The following DEAF1 variants were observed in gnomAD, a reference collection of about 807,000 sequenced individuals.
The protein encoded by DEAF1 is deformed epidermal autoregulatory factor 1 homolog.
Under a neutral mutation model 58.9 loss-of-function variants are expected in DEAF1, and 53 were observed. The observed-to-expected ratio is 0.90, with a 90% CI of 0.72 to 1.13. The LOEUF is 1.13. Ranked by LOEUF, DEAF1 falls within the 50% of genes most tolerant of loss-of-function variation. The pLI is 0.00. For synonymous variants in DEAF1, 385 were observed against 340.4 expected (o/e 1.13, Z -1.44); for missense variants, 685 against 791.4 (o/e 0.87, Z 1.61).
intron 10 of DEAF1, among the ~76,000 whole-genome samples, chr11:657,545 A>G (rs2133304970): frequency 6.6e-6 from 1 of 152,288 alleles, no homozygotes; most frequent in South Asian, 2.1e-4. Flanking sequence ...CGTCTAGGAG[A>G]AGCCCCCCCA....
chr11:675,269 T>C (rs1860003023), intron 9 of DEAF1, among the ~76,000 whole-genome samples: 1 of 151,792 alleles, frequency 6.6e-6, no homozygotes, highest in South Asian at 2.1e-4. Flanking sequence ...CTGTAATCCC[T>C]GCACTTTGGG....
At chr11:687,584 G>C (rs1339747677) in intron 4 of DEAF1, among the ~76,000 whole-genome samples, 2 of 152,188 alleles carry the variant, frequency 1.3e-5, no homozygotes, top group African/African-American at 4.8e-5. Context: ...CTGCCTCCTG[G>C]GTTCACGCCA....
At chr11:654,180 T>C in intron 10 of DEAF1, 129 bp from the exon 11 acceptor site, 1 of 728,912 alleles carries the variant, frequency 1.4e-6, no homozygotes, top group South Asian at 1.6e-5. Flanking sequence ...TTTTTTTTTT[T>C]TTTTTTGAGA....
intron 10 of DEAF1, among the ~76,000 whole-genome samples, chr11:669,201 C>T (rs1295689422): frequency 6.7e-6 from 1 of 149,142 alleles, no homozygotes; most frequent in East Asian, 2.0e-4. Flanking sequence ...GCCTCAAGAC[C>T]TTGGCCTCCC....
upstream of DEAF1, chr11:695,448 C>T: frequency 3.9e-6 from 2 of 508,954 alleles, no homozygotes; most frequent in Non-Finnish European, 6.1e-6. Flanking sequence ...CGTCCCCGGC[C>T]GACAGGGCTG....
chr11:650,660 A>T (rs1436606228), intron 11 of DEAF1, among the ~76,000 whole-genome samples: 1 of 150,662 alleles, frequency 6.6e-6, no homozygotes, highest in African/African-American at 2.4e-5. Flanking sequence ...GGTTTTTTTT[A>T]AAAAGATGCA....
chr11:678,847 A>G, intron 8 of DEAF1, 25 bp from the exon 9 acceptor site: 1 of 1,612,806 alleles, frequency 6.2e-7, no homozygotes, highest in Non-Finnish European at 8.5e-7. Context: ...AAGGACAGGG[A>G]GGCTCGGGAT....
Position 695,126 on chromosome 11 carries a change from G to T in DEAF1, c.-79C>A. ...GGTCGCGGAGCCCGAAGCGGGGCCC[G>T]AAGAGGACGCCCGAGCTGGGCCGAG... On this transcript the variant is annotated 5_prime_UTR_variant, in exon 1 of 12. Transcript: ENST00000382409. 1 of 1,302,778 alleles carries T rather than the reference G, an allele frequency of 7.7e-7. No individual in the cohort carries two copies. Among genetic ancestry groups the T allele is most frequent in the Non-Finnish European group, 9.9e-7 (1 of 1,005,804 alleles). The allele number at this position is 1,302,778 out of a possible 1,614,324, so 80.7% of individuals were successfully genotyped here.
At chr11:660,347 C>A (rs941159252) in intron 10 of DEAF1, among the ~76,000 whole-genome samples, 1 of 152,234 alleles carries the variant, frequency 6.6e-6, no homozygotes, top group Non-Finnish European at 1.5e-5. Context: ...AGATTTACAA[C>A]CTGTCCCCGC....
intron 10 of DEAF1, among the ~76,000 whole-genome samples, chr11:654,411 T>C (rs1858947387): frequency 6.6e-6 from 1 of 150,920 alleles, no homozygotes; most frequent in Admixed American, 6.6e-5. Context: ...GTGATCCACC[T>C]GCCTCGGCCT....
chr11:706,880 CA>C (rs1861736308), exon 1 of DEAF1: 1 of 152,724 alleles, frequency 6.5e-6, no homozygotes, highest in Non-Finnish European at 1.5e-5. Flanking sequence ...GAGGCCCTGC[CA>C]GGAGAGGCAG....
At chr11:676,284 CCCCCCAGCACCCGACA>C (rs1483812676) in intron 9 of DEAF1, among the ~76,000 whole-genome samples, 1 of 25,736 alleles carries the variant, frequency 3.9e-5, no homozygotes, top group Non-Finnish European at 7.3e-5. Context: ...AGCCTGACAT[CCCCCCAGCACCCGACA>C]CCCCCAGCAC....
Position 694,872 on chromosome 11 carries a change from T to C in DEAF1, c.176A>G (p.Glu59Gly). The C allele has an allele frequency of 6.7e-7, 1 of 1,496,964 alleles. No individual in the cohort carries two copies. The highest frequency in any genetic ancestry group is 8.9e-7 in the Non-Finnish European group (1 of 1,127,628). 92.7% of individuals were successfully genotyped at this position (1,496,964 alleles called of 1,614,324 possible). The change falls in exon 1 of 12, where the codon GAG (glutamate) becomes GGG (glycine). Residue 59 changes from glutamate (E) to glycine (G), a missense_variant. By Grantham distance (98) the Glu-to-Gly change is moderately conservative (BLOSUM62 -2). Coordinates refer to ENST00000382409, the MANE Select transcript of DEAF1 (RefSeq NM_021008.4). Reference protein sequence around the residue: ...EEDADSEAERETPRVTAVAVM... With the variant: ...EEDADSEAERGTPRVTAVAVM... ...CGCCACTGCCGTGACCCGCGGCGTC[T>C]CCCGCTCCGCCTCCGAGTCTGCGTC... is the stretch of plus-strand genomic sequence containing the variant.
intron 11 of DEAF1, among the ~76,000 whole-genome samples, chr11:653,548 GTCTC>G (rs1262991482): frequency 4.6e-5 from 6 of 131,760 alleles, no homozygotes; most frequent in Non-Finnish European, 9.5e-5. Context: ...ACTGTGGACA[GTCTC>G]TCTTGCGTGG....
chr11:690,158 G>A (rs563414277), intron 2 of DEAF1, among the ~76,000 whole-genome samples: 4 of 126,850 alleles, frequency 3.2e-5, no homozygotes, highest in African/African-American at 1.1e-4. Flanking sequence ...CCCAGGAGGT[G>A]GAGGTTGCAG....
intron 2 of DEAF1, chr11:689,596 C>T (rs936145212): frequency 6.6e-6 from 1 of 152,166 alleles, no homozygotes; most frequent in Non-Finnish European, 1.5e-5. Context: ...GGACCCCCAA[C>T]ACACATGCCT....
At chr11:686,776 G>A in intron 5 of DEAF1, 82 bp downstream of exon 5, 1 of 1,593,342 alleles carries the variant, frequency 6.3e-7, no homozygotes. Context: ...CCCGTGGTCT[G>A]TGCCCTCCCT....
At chr11:702,509 A>G (rs977023325) in intron 1 of DEAF1, among the ~76,000 whole-genome samples, 2 of 152,146 alleles carry the variant, frequency 1.3e-5, no homozygotes, top group African/African-American at 2.4e-5. Context: ...CTAAATACGC[A>G]GTTTTGTTTT....
rs1340943107 is a variant in DEAF1, at chr11:704,367, G to C, written c.-438+2205C>G. 5 of 1,064,432 alleles carry C rather than the reference G, an allele frequency of 4.7e-6. No homozygotes were observed. The South Asian group carries it at 6.7e-5, about 14-fold the overall frequency. The allele number at this position is 1,064,432 out of a possible 1,614,324, so 65.9% of individuals were successfully genotyped here. A position where few individuals can be genotyped will look rare whatever the true frequency, so the allele number is the denominator to read the frequency against. ...CTGTGGCACCTGGACAGTCTTTCCT[G>C]CCTGTCTTCGTGGAAGCGGTGGGAG... On this transcript the variant is annotated intron_variant, in intron 1 of 11. Transcript: ENST00000683307.
Sources: allele counts gnomAD v4.1 joint callset (sites outside exome capture counted in the v4.1 genomes callset), GRCh38; gene constraint gnomAD v4.1.1; transcripts MANE v1.5; gene names NCBI Gene and HGNC (gene_info 2026-07-23, HGNC 2026-07-21).